Variants in OGDHL observed in about 807,000 individuals in gnomAD.
The protein encoded by OGDHL is 2-oxoglutarate dehydrogenase-like, mitochondrial.
A neutral mutation model predicts 109.6 loss-of-function variants in OGDHL; 79 were observed. That is an observed-to-expected ratio of 0.72 (90% confidence interval 0.60 to 0.87). OGDHL has a LOEUF of 0.87. OGDHL is among the 40% of genes least tolerant of loss of function. The pLI is 0.00. For missense variants in OGDHL, 1,275 were observed against 1,362.2 expected (o/e 0.94, Z 1.01); for synonymous variants, 528 against 537.2 (o/e 0.98, Z 0.24).
At position 49,751,890 on chromosome 10, in the gene OGDHL, C is replaced by G. The variant is rs754091026; in HGVS notation, c.686G>C (p.Gly229Ala). ...CTCCTCGCTGGAGAACTGCATCACACCAGGGGTCTCAAACTTCTGCCGGAT... is the reference window on the plus strand; with the variant it reads ...CTCCTCGCTGGAGAACTGCATCACAGCAGGGGTCTCAAACTTCTGCCGGAT... ...QWIRQKFETPGVMQFSSEEKR... is the reference protein window; with the variant it reads ...QWIRQKFETPAVMQFSSEEKR... The change falls in exon 6 of 23, where the codon GGT becomes GCT. Residue 229 changes from glycine (G) to alanine (A), a missense_variant. Transcript: ENST00000374103. 6.2e-7 allele frequency: 1 copy of G among 1,614,080 alleles called. No individual in the cohort carries two copies. Among genetic ancestry groups the G allele is most frequent in the African/African-American group, 1.3e-5 (1 of 74,938 alleles).
intron 15 of OGDHL, 29 bp downstream of exon 15, chr10:49,742,799 G>A: frequency 6.2e-7 from 1 of 1,602,348 alleles, no homozygotes; most frequent in Non-Finnish European, 8.5e-7. Context: ...CAGGTCTCCT[G>A]TGCGGATGCT....
chr10:49,742,686 C>T, intron 15 of OGDHL, 142 bp downstream of exon 15: 2 of 1,101,196 alleles, frequency 1.8e-6, no homozygotes, highest in Admixed American at 2.7e-5. Flanking sequence ...AGCGAGGTGG[C>T]CATCTGATGA....
chr10:49,757,583 C>T (rs931214323), intron 2 of OGDHL, among the ~76,000 whole-genome samples: 3 of 152,142 alleles, frequency 2.0e-5, no homozygotes, highest in East Asian at 1.9e-4. Context: ...CAGCACTGTT[C>T]GCCACAGTCA....
chr10:49,758,184 A>G (rs1843029779), intron 2 of OGDHL, among the ~76,000 whole-genome samples: 1 of 152,230 alleles, frequency 6.6e-6, no homozygotes, highest in Non-Finnish European at 1.5e-5. Context: ...GGACATGGCC[A>G]GGGCCTCTCA....
chr10:49,746,831 GC>G lies in OGDHL; in HGVS notation c.1214del (p.Gly405AlafsTer9). On this transcript the variant is annotated frameshift_variant, in exon 10 of 23. Transcript: ENST00000374103. LOFTEE classifies it high-confidence loss of function. ...VHGDAAFAGQ[G>X]VVYETFHLSD... ...TCAGGTGGAAGGTCTCATATACCAC[GC>G]CCTGGCCAGCAAAGGCGGCGTCCCC... 1 of 1,614,054 alleles carries G rather than the reference GC, an allele frequency of 6.2e-7. No individual in the cohort carries two copies. Among genetic ancestry groups the G allele is most frequent in the Non-Finnish European group, 8.5e-7 (1 of 1,179,994 alleles).
chr10:49,753,755 C>A (rs890946356), intron 3 of OGDHL, among the ~76,000 whole-genome samples: 2 of 151,934 alleles, frequency 1.3e-5, no homozygotes, highest in African/African-American at 4.8e-5. Context: ...CTGGGCGTGG[C>A]GGCACATGCC....
chr10:49,759,816 G>A (rs914398244), intron 1 of OGDHL, among the ~76,000 whole-genome samples: 3 of 152,202 alleles, frequency 2.0e-5, no homozygotes, highest in Non-Finnish European at 4.4e-5. Flanking sequence ...ACAAGGGGTC[G>A]CCCAGGCGGG....
intron 20 of OGDHL, among the ~76,000 whole-genome samples, 181 bp downstream of exon 20, chr10:49,737,605 G>A (rs1841294965): frequency 6.6e-6 from 1 of 152,118 alleles, no homozygotes; most frequent in Non-Finnish European, 1.5e-5. Context: ...ACCTGAGCTG[G>A]CCCAGGTCAG....
rs1841067047 is a variant in OGDHL at position 49,735,315 on chromosome 10, T to C, written c.2946A>G (p.Thr982=). The stretch of plus-strand genomic sequence containing the variant: ...ACACCAGGTGAGTGTTCCTGTTTCC[T>C]GTGGCTGGTGCAGCCGCTGGGTCCC... ...VGRDPAAAPA[T]GNRNTHLVSL... The change falls in exon 23 of 23, where the codon ACA becomes ACG. Residue 982 remains threonine, a synonymous_variant. Transcript: ENST00000374103. 1.9e-6 allele frequency: 3 copies of C among 1,613,950 alleles called. No individual in the cohort carries two copies. The highest frequency in any genetic ancestry group is 2.5e-6 in the Non-Finnish European group (3 of 1,180,000).
At position 49,752,184 on chromosome 10, in the gene OGDHL, A is replaced by G. The variant is rs149870355; in HGVS notation, c.543T>C (p.Ile181=). 26 of 1,613,932 alleles carry G rather than the reference A, an allele frequency of 1.6e-5. No individual in the cohort carries two copies. The African/African-American group carries it at 3.2e-4, about 20-fold the overall frequency. ...GAGAGAGGGTGTTTTCAGAGCCCCC[A>G]ATGAAGGTGGTTGTCGGCAGCTGGA... ...KEFQLPTTTF[I]GGSENTLSLR... Residue 181 remains isoleucine (I), a synonymous_variant, in exon 5 of 23, where the codon ATT becomes ATC. Transcript: ENST00000374103.
At chr10:49,735,465 A>T (rs1049747852) in intron 22 of OGDHL, 114 bp from the exon 23 acceptor site, 24 of 1,289,856 alleles carry the variant, frequency 1.9e-5, no homozygotes, top group Non-Finnish European at 2.6e-5. Flanking sequence ...CCTCGAAGCC[A>T]TAGACCCTGC....
At chr10:49,742,229 C>T (rs376433042) in intron 15 of OGDHL, among the ~76,000 whole-genome samples, 5 of 140,976 alleles carry the variant, frequency 3.5e-5, no homozygotes, top group South Asian at 2.4e-4. Flanking sequence ...AAACCACACA[C>T]GCACACACCA....
In OGDHL at chr10:49,744,653, G is replaced by A; in HGVS notation, c.1729C>T (p.Pro577Ser). Residue 577 changes from proline to serine, a missense_variant, in exon 13 of 23, where the codon CCT becomes TCT. Transcript: ENST00000374103. ...HIKHWLDSPW[P>S]GFFNVDGEPK... Reference sequence around the variant, plus strand: ...GAGCCACACACTGCTCGCTCACCAGGCCAGGGGGAGTCCAACCAGTGCTTT... The same window carrying A: ...GAGCCACACACTGCTCGCTCACCAGACCAGGGGGAGTCCAACCAGTGCTTT... 1 of 1,613,470 alleles carries A rather than the reference G, an allele frequency of 6.2e-7. No homozygotes were observed. The highest frequency in any genetic ancestry group is 8.5e-7 in the Non-Finnish European group (1 of 1,179,420).
chr10:49,758,742 T>A, intron 1 of OGDHL, 149 bp from the exon 2 acceptor site: 2 of 758,496 alleles, frequency 2.6e-6, no homozygotes, highest in African/African-American at 1.7e-5. Flanking sequence ...AATGTGACAC[T>A]CTCCCAGCCC....
chr10:49,758,609 G>A lies in OGDHL; in HGVS notation c.-1-16C>T, dbSNP rs375481042. 2.5e-6 allele frequency: 4 copies of A among 1,612,790 alleles called. No individual in the cohort carries two copies. The highest frequency in any genetic ancestry group is 1.7e-6 in the Non-Finnish European group (2 of 1,179,730). On this transcript the variant is annotated splice_polypyrimidine_tract_variant and intron_variant, in intron 1 of 22. Coordinates refer to ENST00000374103, the MANE Select transcript of OGDHL (RefSeq NM_018245.3). The stretch of plus-strand genomic sequence containing the variant: ...CTGACTCATTCTGGACACAGGCAAT[G>A]AAGGAGAGGCATAAATGGCAGGACC...
At chr10:49,754,543 A>T (rs1009548774) in intron 3 of OGDHL, among the ~76,000 whole-genome samples, 1 of 152,224 alleles carries the variant, frequency 6.6e-6, no homozygotes, top group Non-Finnish European at 1.5e-5. Flanking sequence ...ACTTCAGTTA[A>T]TAAAGAAGGC....
intron 6 of OGDHL, among the ~76,000 whole-genome samples, chr10:49,751,552 G>A (rs967645308): frequency 6.6e-6 from 1 of 152,174 alleles, no homozygotes; most frequent in Non-Finnish European, 1.5e-5. Flanking sequence ...TGTTCCCACA[G>A]CCACTTCCCG....
chr10:49,746,075 C>T, intron 10 of OGDHL, 98 bp from the exon 11 acceptor site: 2 of 1,352,872 alleles, frequency 1.5e-6, no homozygotes, highest in Non-Finnish European at 2.0e-6. Flanking sequence ...GCTCAAGGTC[C>T]ACTGAGGTGC....
At chr10:49,737,683 G>A (rs1590676218) in intron 20 of OGDHL, 103 bp downstream of exon 20, 8 of 1,286,452 alleles carry the variant, frequency 6.2e-6, no homozygotes, top group East Asian at 2.4e-5. Context: ...GGTCAGCAGA[G>A]CCACAGGCAG....
Sources: allele counts gnomAD v4.1 joint callset (sites outside exome capture counted in the v4.1 genomes callset), GRCh38; gene constraint gnomAD v4.1.1; transcripts MANE v1.5; gene names NCBI Gene and HGNC (gene_info 2026-07-23, HGNC 2026-07-21).